The following RALGAPB variants were observed in gnomAD, a reference collection of about 807,000 sequenced individuals.
RALGAPB encodes the protein Ral GTPase activating protein non-catalytic subunit beta, also known as ral GTPase-activating protein subunit beta.
RALGAPB carries 25 observed loss-of-function variants against 161.1 expected under a neutral mutation model. The ratio of observed to expected loss-of-function variants is 0.16; its 90% CI spans 0.11 to 0.22. The LOEUF (loss-of-function observed/expected upper bound fraction) is 0.22. RALGAPB is among the 10% of genes least tolerant of loss of function. The pLI, the probability that RALGAPB is intolerant of heterozygous loss-of-function variation, is 1.00. For synonymous variants in RALGAPB, 629 were observed against 626.1 expected (o/e 1.00, Z -0.07); for missense variants, 1,391 against 1,815.2 (o/e 0.77, Z 4.25).
At chr20:38,535,616 G>A (rs148624463) in intron 16 of RALGAPB, among the ~76,000 whole-genome samples, 6 of 145,472 alleles carry the variant, frequency 4.1e-5, no homozygotes, top group East Asian at 2.0e-4. Context: ...TTTTTGAGAC[G>A]GAGTCTTGCT....
chr20:38,522,603 G>A (rs948720853), intron 10 of RALGAPB, among the ~76,000 whole-genome samples: 3 of 152,164 alleles, frequency 2.0e-5, no homozygotes, highest in African/African-American at 7.2e-5. Context: ...TATCAACAGA[G>A]TATTTAGATA....
chr20:38,550,977 G>C, intron 20 of RALGAPB, 94 bp from the exon 21 acceptor site: 1 of 1,406,176 alleles, frequency 7.1e-7, no homozygotes, highest in Non-Finnish European at 9.7e-7. Context: ...TAATCCTAGG[G>C]AAACACAGGC....
chr20:38,490,501 C>T (rs2085248824), intron 2 of RALGAPB, among the ~76,000 whole-genome samples: 1 of 150,660 alleles, frequency 6.6e-6, no homozygotes, highest in Admixed American at 6.6e-5. Context: ...AGCCACCGCG[C>T]CCGGCCTATT....
At chr20:38,513,471 C>T (rs1297481149) in intron 6 of RALGAPB, among the ~76,000 whole-genome samples, 7 of 18,006 alleles carry the variant, frequency 3.9e-4, no homozygotes, top group Non-Finnish European at 5.1e-4. Flanking sequence ...AGAGCGGCGG[C>T]GGTGGGGGGT....
chr20:38,567,151 T>C lies in RALGAPB; in HGVS notation c.3873T>C (p.Leu1291=). ...AAGATAGTGATTCAAATATGGATCT[T>C]ATGCCAGGAATTCTGAAACAGCCAT... ...SDQDSDSNMD[L]MPGILKQPSL... is the part of the protein sequence containing the mutation. The change falls in exon 26 of 30, where the codon CTT becomes CTC. Residue 1291 remains leucine (L), a synonymous_variant. Coordinates refer to ENST00000262879, the MANE Select transcript of RALGAPB (RefSeq NM_020336.4). 6.2e-7 allele frequency: 1 copy of C among 1,613,796 alleles called. No homozygotes were observed.
At chr20:38,571,629 C>T (rs1225745569) in intron 28 of RALGAPB, among the ~76,000 whole-genome samples, 1 of 152,150 alleles carries the variant, frequency 6.6e-6, no homozygotes, top group Non-Finnish European at 1.5e-5. Context: ...AGGTTGCCTC[C>T]ATATCTTAGC....
chr20:38,510,131 T>C (rs202239506), intron 6 of RALGAPB, among the ~76,000 whole-genome samples: 2 of 146,168 alleles, frequency 1.4e-5, no homozygotes, highest in African/African-American at 5.0e-5. Context: ...CACACGCACA[T>C]ACACACACAC....
At chr20:38,509,020 G>C in intron 5 of RALGAPB, 57 bp from the exon 6 acceptor site, 1 of 1,563,020 alleles carries the variant, frequency 6.4e-7, no homozygotes, top group Non-Finnish European at 8.8e-7. Context: ...TTCTATGCTT[G>C]AGTGTATTTT....
chr20:38,500,142 A>G (rs2085535891), intron 5 of RALGAPB: 1 of 151,482 alleles, frequency 6.6e-6, no homozygotes, highest in African/African-American at 2.4e-5. Flanking sequence ...TCTTAGGTTC[A>G]TTTTTTTCAG....
intron 9 of RALGAPB, among the ~76,000 whole-genome samples, chr20:38,520,475 A>T (rs1482057099): frequency 7.0e-6 from 1 of 142,136 alleles, no homozygotes; most frequent in Non-Finnish European, 1.5e-5. Context: ...TCTGTATACT[A>T]GTCTGGTCAT....
chr20:38,548,916 G>A (rs2087265186), intron 20 of RALGAPB, 121 bp downstream of exon 20: 4 of 786,274 alleles, frequency 5.1e-6, no homozygotes, highest in South Asian at 3.3e-5. Context: ...TTCTCAGTCA[G>A]TGGGTTCATA....
chr20:38,475,224 G>T, intron 1 of RALGAPB, among the ~76,000 whole-genome samples: 1 of 152,188 alleles, frequency 6.6e-6, no homozygotes, highest in East Asian at 1.9e-4. Flanking sequence ...CCACTGCCTT[G>T]TTGGTATTTG....
rs200017471 is a variant in RALGAPB at position 38,517,537 on chromosome 20, C to G, written c.1083C>G (p.Pro361=). 1.6e-4 allele frequency: 265 copies of G among 1,610,600 alleles called. No homozygotes were observed. The highest frequency in any genetic ancestry group is 2.1e-4 in the Non-Finnish European group (242 of 1,178,938). The part of the protein sequence containing the change: ...GISRPRSDSA[P]PTPVNRLSMP... Reference sequence around the variant, plus strand: ...CTAGACCCCGATCAGACAGTGCTCCCCCAACACCCGTGAATAGATTAAGTA... The same window carrying G: ...CTAGACCCCGATCAGACAGTGCTCCGCCAACACCCGTGAATAGATTAAGTA... Residue 361 remains proline (P), a synonymous_variant, in exon 8 of 30, where the codon CCC becomes CCG. Transcript: ENST00000262879.
At chr20:38,532,241 T>C (rs987085061) in intron 14 of RALGAPB, among the ~76,000 whole-genome samples, 3 of 152,164 alleles carry the variant, frequency 2.0e-5, no homozygotes, top group African/African-American at 7.2e-5. Flanking sequence ...TATTTTTTAA[T>C]AGAGATGGGG....
At chr20:38,566,056 C>T (rs1395708164) in intron 25 of RALGAPB, among the ~76,000 whole-genome samples, 3 of 152,268 alleles carry the variant, frequency 2.0e-5, no homozygotes, top group Middle Eastern at 3.4e-3. Context: ...CATGCCTGAC[C>T]GAGTAGGTGG....
At chr20:38,536,398 A>C (rs886684155) in intron 16 of RALGAPB, among the ~76,000 whole-genome samples, 3 of 152,174 alleles carry the variant, frequency 2.0e-5, no homozygotes, top group African/African-American at 7.2e-5. Context: ...GGTTGTTTTA[A>C]TCTCTAGGCT....
intron 28 of RALGAPB, among the ~76,000 whole-genome samples, chr20:38,571,802 CA>C (rs1306629879): frequency 1.3e-5 from 2 of 152,076 alleles, no homozygotes; most frequent in African/African-American, 4.8e-5. Context: ...GTGGCTGTAC[CA>C]GTTTACATTT....
At chr20:38,570,689 C>A (rs772757266) in intron 27 of RALGAPB, 80 bp from the exon 28 acceptor site, 2 of 871,766 alleles carry the variant, frequency 2.3e-6, no homozygotes, top group Non-Finnish European at 3.8e-6. Context: ...TTATGTAAAG[C>A]GATTAGAAAA....
intron 26 of RALGAPB, among the ~76,000 whole-genome samples, chr20:38,568,194 C>T (rs1403972583): frequency 6.6e-6 from 1 of 151,674 alleles, no homozygotes; most frequent in Non-Finnish European, 1.5e-5. Context: ...GATAAAGCAC[C>T]ATGTTTTTGT....
Sources: gnomAD v4.1 joint callset for allele counts (sites outside exome capture counted in the v4.1 genomes callset) on GRCh38, gnomAD v4.1.1 for gene constraint, MANE v1.5 for transcripts, NCBI Gene and HGNC (gene_info 2026-07-23, HGNC 2026-07-21) for gene names.